The following DYNC1I1 variants were observed in gnomAD, a reference collection of about 807,000 sequenced individuals.
DYNC1I1 encodes the protein dynein cytoplasmic 1 intermediate chain 1, also known as cytoplasmic dynein 1 intermediate chain 1.
A neutral mutation model predicts 86.6 loss-of-function variants in DYNC1I1; 43 were observed. The observed-to-expected ratio is 0.50, with a 90% CI of 0.39 to 0.64. DYNC1I1 has a LOEUF of 0.64. DYNC1I1 is among the 30% of genes least tolerant of loss of function. DYNC1I1 has a pLI of 0.00. For missense variants in DYNC1I1, 604 were observed against 788.8 expected, an observed-to-expected ratio of 0.77 and a Z score of 2.81; for synonymous variants, 262 against 283.7, an observed-to-expected ratio of 0.92 and a Z score of 0.77.
intron 6 of DYNC1I1, among the ~76,000 whole-genome samples, chr7:95,909,260 G>A (rs1475125729): frequency 1.4e-4 from 13 of 92,284 alleles, no homozygotes; most frequent in African/African-American, 5.4e-4. Context: ...GGGGGGCGGG[G>A]CGGGAAGGGA....
chr7:96,065,757 C>G (rs1789962808), intron 14 of DYNC1I1, among the ~76,000 whole-genome samples: 1 of 152,208 alleles, frequency 6.6e-6, no homozygotes, highest in African/African-American at 2.4e-5. Context: ...GGCCCACTCT[C>G]TCTTTCAACT....
At chr7:95,984,688 G>T in intron 7 of DYNC1I1, 127 bp from the exon 8 acceptor site, 1 of 846,802 alleles carries the variant, frequency 1.2e-6, no homozygotes, top group East Asian at 3.0e-5. Flanking sequence ...GCAATGATTT[G>T]TTTCACTGTG....
At chr7:96,080,868 G>A (rs1222598318) in intron 16 of DYNC1I1, among the ~76,000 whole-genome samples, 1 of 151,962 alleles carries the variant, frequency 6.6e-6, no homozygotes, top group East Asian at 1.9e-4. Context: ...TCAGGAGTTC[G>A]AGACCAGGCT....
At chr7:95,775,153 A>G (rs1465234962) in intron 1 of DYNC1I1, among the ~76,000 whole-genome samples, 3 of 152,254 alleles carry the variant, frequency 2.0e-5, no homozygotes, top group Non-Finnish European at 2.9e-5. Context: ...AAACTAAGAC[A>G]CAAAGGTGTC....
chr7:95,831,045 A>G (rs1332995955), intron 5 of DYNC1I1, among the ~76,000 whole-genome samples: 1 of 152,000 alleles, frequency 6.6e-6, no homozygotes, highest in East Asian at 1.9e-4. Context: ...TAAATCTGTT[A>G]GTCTTATATA....
At chr7:95,912,992 A>C (rs542648048) in intron 6 of DYNC1I1, among the ~76,000 whole-genome samples, 2 of 152,318 alleles carry the variant, frequency 1.3e-5, no homozygotes, top group Admixed American at 6.5e-5. Flanking sequence ...AAAAAGAAAG[A>C]AAGCAAGCTA....
intron 10 of DYNC1I1, among the ~76,000 whole-genome samples, chr7:96,008,887 G>A (rs958410305): frequency 1.1e-4 from 16 of 152,114 alleles, no homozygotes; most frequent in African/African-American, 3.9e-4. Flanking sequence ...TTTCTTAGGT[G>A]TATTTTCTGC....
intron 15 of DYNC1I1, 114 bp from the exon 16 acceptor site, chr7:96,080,245 ATTAC>A: frequency 7.6e-7 from 1 of 1,319,430 alleles, no homozygotes; most frequent in South Asian, 1.6e-5. Context: ...AGGGATGTGT[ATTAC>A]TTAATGCACA....
At chr7:95,850,465 TA>T (rs1288173527) in intron 5 of DYNC1I1, among the ~76,000 whole-genome samples, 1 of 152,218 alleles carries the variant, frequency 6.6e-6, no homozygotes, top group African/African-American at 2.4e-5. Flanking sequence ...GAAATGATCA[TA>T]AAAGTTTTTG....
At chr7:96,030,653 A>T (rs1300346252) in intron 11 of DYNC1I1, among the ~76,000 whole-genome samples, 1 of 152,094 alleles carries the variant, frequency 6.6e-6, no homozygotes, top group East Asian at 1.9e-4. Flanking sequence ...CTCTTGTTGA[A>T]AAACAAGATG....
intron 10 of DYNC1I1, among the ~76,000 whole-genome samples, chr7:95,997,542 A>G (rs1218656120): frequency 6.6e-6 from 1 of 151,778 alleles, no homozygotes; most frequent in Admixed American, 6.6e-5. Flanking sequence ...GTTTTACCAC[A>G]CAACAATAGT....
intron 4 of DYNC1I1, among the ~76,000 whole-genome samples, chr7:95,815,915 T>C (rs897427797): frequency 2.6e-5 from 4 of 152,154 alleles, no homozygotes; most frequent in Non-Finnish European, 5.9e-5. Flanking sequence ...ACATTTCTTA[T>C]AATCTTTGTA....
At chr7:96,020,912 A>T (rs1212701865) in intron 10 of DYNC1I1, among the ~76,000 whole-genome samples, 3 of 152,194 alleles carry the variant, frequency 2.0e-5, no homozygotes, top group African/African-American at 7.2e-5. Context: ...ATATTATATG[A>T]TAATACTTAT....
At chr7:95,905,867 T>G (rs1791162817) in intron 6 of DYNC1I1, among the ~76,000 whole-genome samples, 1 of 152,184 alleles carries the variant, frequency 6.6e-6, no homozygotes, top group South Asian at 2.1e-4. Flanking sequence ...TAGAACACTT[T>G]GTAGTCTTTA....
intron 16 of DYNC1I1, among the ~76,000 whole-genome samples, chr7:96,109,413 T>C: frequency 6.7e-6 from 1 of 149,946 alleles, no homozygotes; most frequent in East Asian, 2.0e-4. Context: ...CATTATTTTT[T>C]ATCTTTTGCA....
chr7:96,040,105 A>T (rs964305896), intron 14 of DYNC1I1, among the ~76,000 whole-genome samples: 1 of 151,948 alleles, frequency 6.6e-6, no homozygotes, highest in East Asian at 1.9e-4. Context: ...ATGGTGGTAC[A>T]TGCCTGTAGT....
At chr7:96,084,431 T>TC (rs1790616360) in intron 16 of DYNC1I1, among the ~76,000 whole-genome samples, 1 of 145,354 alleles carries the variant, frequency 6.9e-6, no homozygotes, top group African/African-American at 2.5e-5. Context: ...GTTTCTCTTT[T>TC]TTTTTCTTTT....
chr7:96,047,683 G>T (rs1789259270), intron 14 of DYNC1I1, among the ~76,000 whole-genome samples: 1 of 152,136 alleles, frequency 6.6e-6, no homozygotes, highest in South Asian at 2.1e-4. Flanking sequence ...TAAGGAGATA[G>T]AGAGGCGACT....
intron 5 of DYNC1I1, among the ~76,000 whole-genome samples, chr7:95,829,573 T>A (rs1795276698): frequency 6.6e-6 from 1 of 152,184 alleles, no homozygotes; most frequent in South Asian, 2.1e-4. Context: ...GACTACCCCA[T>A]GCACTTAAAT....
Sources: gnomAD v4.1 joint callset for allele counts (sites outside exome capture counted in the v4.1 genomes callset) on GRCh38, gnomAD v4.1.1 for gene constraint, MANE v1.5 for transcripts, NCBI Gene and HGNC (gene_info 2026-07-23, HGNC 2026-07-21) for gene names.